C5orf63: variants seen among roughly 807,000 people sequenced by gnomAD.
C5orf63 encodes the protein glutaredoxin-like protein C5orf63.
C5orf63 carries 18 observed loss-of-function variants against 13.3 expected under a neutral mutation model. The observed-to-expected ratio is 1.36, with a 90% confidence interval of 0.94 to 2.01. C5orf63 has a LOEUF of 2.01. Among genes scored for constraint, C5orf63 ranks in the 30% most tolerant of loss-of-function variants. The pLI is 0.00. For synonymous variants in C5orf63, 38 were observed against 44.7 expected, an observed-to-expected ratio of 0.85 and a Z score of 0.60; for missense variants, 118 against 127.7, an observed-to-expected ratio of 0.92 and a Z score of 0.36.
chr5:127,067,393 C>T (rs17165236), intron 2 of C5orf63, among the ~76,000 whole-genome samples: 5 of 152,014 alleles, frequency 3.3e-5, no homozygotes, highest in African/African-American at 1.2e-4. Context: ...CTCAGAAATG[C>T]GGAATTGCAA....
At chr5:127,071,251 A>G (rs191854600) in intron 2 of C5orf63, among the ~76,000 whole-genome samples, 170 of 152,374 alleles carry the variant, frequency 1.1e-3, no homozygotes, top group Non-Finnish European at 1.8e-3. Flanking sequence ...AAAGGCTGTT[A>G]CTAGATATTA....
At chr5:127,049,286 C>T (rs1483250607), downstream of C5orf63, among the ~76,000 whole-genome samples, 3 of 152,146 alleles carry the variant, frequency 2.0e-5, no homozygotes, top group Non-Finnish European at 4.4e-5. Context: ...AGTCTCATCT[C>T]CTTCACTCTC....
rs1050982701 is a variant in C5orf63 at position 127,051,828 on chromosome 5, G to T, written c.291C>A (p.Asn97Lys). Residue 97 changes from asparagine (N) to lysine (K), a missense_variant, in exon 5 of 5, where the codon AAC (asparagine) becomes AAA (lysine). Physicochemically the swap from Asn to Lys is moderately conservative, Grantham distance 94. Transcript: ENST00000296662. ...GGAGCTGTTTTTCAAGTTTTGAGGT[G>T]TTTACTCGATGCATCATCAGAAACT... ...NGQFLMMHRV[N>K]TSKLEKQLLK... 16 of 1,535,514 alleles carry T rather than the reference G, an allele frequency of 1.0e-5. No homozygotes were observed. Among genetic ancestry groups the T allele is most frequent in the Admixed American group, 2.0e-5 (1 of 50,634 alleles).
chr5:127,050,605 G>A (rs1753640870), downstream of C5orf63, among the ~76,000 whole-genome samples: 1 of 152,126 alleles, frequency 6.6e-6, no homozygotes, highest in Non-Finnish European at 1.5e-5. Flanking sequence ...GGCAAGACCT[G>A]GCCTGCCAAC....
intron 1 of C5orf63, among the ~76,000 whole-genome samples, chr5:127,072,555 T>G (rs1282166940): frequency 1.3e-5 from 2 of 152,086 alleles, no homozygotes; most frequent in Non-Finnish European, 2.9e-5. Context: ...CGCTAGAAAG[T>G]ATTGGGATAT....
In C5orf63 at chr5:127,051,754, A is replaced by C; in HGVS notation, c.*17T>G. On this transcript the variant is annotated 3_prime_UTR_variant, in exon 5 of 5. Coordinates refer to ENST00000296662, the MANE Select transcript of C5orf63 (RefSeq NM_001164478.2). ...TGCTTTATGGGAAGAGAGGGTGGAA[A>C]ATCATGAGGGCATCAGTCAGCCTCC... The C allele has an allele frequency of 6.8e-7, 1 of 1,472,696 alleles. No individual in the cohort carries two copies. The highest frequency in any genetic ancestry group is 9.0e-7 in the Non-Finnish European group (1 of 1,116,756). 91.2% of individuals were successfully genotyped at this position (1,472,696 alleles called of 1,614,324 possible).
intron 3 of C5orf63, among the ~76,000 whole-genome samples, chr5:127,058,249 T>C (rs1753964538): frequency 6.6e-6 from 1 of 152,184 alleles, no homozygotes; most frequent in Non-Finnish European, 1.5e-5. Flanking sequence ...TGTGCATGTG[T>C]ACTCAATGTT....
At chr5:127,073,252 T>C (rs1754623800) in intron 1 of C5orf63, 199 bp downstream of exon 1, 1 of 151,936 alleles carries the variant, frequency 6.6e-6, no homozygotes, top group Non-Finnish European at 1.5e-5. Context: ...CCCAGAGCGC[T>C]ATCACAGACA....
chr5:127,066,700 T>G (rs779064321), intron 2 of C5orf63, among the ~76,000 whole-genome samples: 1 of 152,042 alleles, frequency 6.6e-6, no homozygotes, highest in South Asian at 2.1e-4. Context: ...GGTCTAAAGA[T>G]AAAGACTTGA....
At chr5:127,048,017 G>C (rs1476574867), downstream of C5orf63, 1 of 600,024 alleles carries the variant, frequency 1.7e-6, no homozygotes, top group Non-Finnish European at 3.0e-6. Context: ...AGTTAAAGCA[G>C]ACCACACTTG....
intron 2 of C5orf63, among the ~76,000 whole-genome samples, chr5:127,067,932 G>T (rs112682193): frequency 1.8e-4 from 27 of 152,280 alleles, no homozygotes; most frequent in African/African-American, 6.5e-4. Context: ...GAGGAATTAA[G>T]CATAAATGGT....
At chr5:127,068,552 A>T (rs1407849548) in intron 2 of C5orf63, among the ~76,000 whole-genome samples, 1 of 152,154 alleles carries the variant, frequency 6.6e-6, no homozygotes, top group Non-Finnish European at 1.5e-5. Context: ...ACTATTAAAC[A>T]CATTTTAAAG....
intron 1 of C5orf63, 39 bp from the exon 2 acceptor site, chr5:127,071,724 G>A (rs1181327859): frequency 1.8e-4 from 27 of 152,096 alleles, no homozygotes; most frequent in Admixed American, 1.8e-3. Flanking sequence ...TTTAAATAAG[G>A]AACATAAAAA....
In C5orf63 at chr5:127,066,173, AG is replaced by A. The variant is rs545848759; in HGVS notation, c.-8+5410del. 8.5e-4 allele frequency among the ~76,000 whole-genome samples: 130 copies of A among 152,132 alleles called. 1 individual carries two copies. The highest frequency in any genetic ancestry group is 3.1e-3 in the African/African-American group (129 of 41,412). Reference sequence around the variant, plus strand: ...GCTTAAGCAGAGTACACCAAGGAAAAGGGGATACAATCAGGAGACGAGATTA... The same window carrying A: ...GCTTAAGCAGAGTACACCAAGGAAAAGGGATACAATCAGGAGACGAGATTA... On this transcript the variant is annotated intron_variant, in intron 2 of 4. Coordinates refer to ENST00000296662, the MANE Select transcript of C5orf63 (RefSeq NM_001164478.2).
At chr5:127,069,229 A>G (rs964454084) in intron 2 of C5orf63, among the ~76,000 whole-genome samples, 1 of 152,210 alleles carries the variant, frequency 6.6e-6, no homozygotes, top group Non-Finnish European at 1.5e-5. Flanking sequence ...AAGGGATGGG[A>G]AAAAAGTATA....
chr5:127,055,270 T>C (rs6899133), intron 3 of C5orf63, among the ~76,000 whole-genome samples: 71,886 of 151,976 alleles, frequency 0.47, 17,384 homozygotes, highest in East Asian at 0.67. Context: ...AAAGTTCATA[T>C]GGAACCAAAA....
intron 2 of C5orf63, among the ~76,000 whole-genome samples, chr5:127,061,952 G>A (rs1434799177): frequency 6.6e-6 from 1 of 152,240 alleles, no homozygotes; most frequent in Admixed American, 6.5e-5. Context: ...GACCAGGGCA[G>A]TGAACTGCAG....
chr5:127,060,697 C>A (rs1276316294), intron 2 of C5orf63, among the ~76,000 whole-genome samples: 2 of 152,186 alleles, frequency 1.3e-5, no homozygotes, highest in African/African-American at 2.4e-5. Flanking sequence ...TACCCAATAT[C>A]ATTTCTTCCT....
chr5:127,072,156 C>T (rs948650549), intron 1 of C5orf63: 2 of 152,222 alleles, frequency 1.3e-5, no homozygotes, highest in African/African-American at 4.8e-5. Context: ...ACCAGCCCCA[C>T]CAATCTTAAT....
Sources: gnomAD v4.1 joint callset for allele counts (sites outside exome capture counted in the v4.1 genomes callset) on GRCh38, gnomAD v4.1.1 for gene constraint, MANE v1.5 for transcripts, NCBI Gene and HGNC (gene_info 2026-07-23, HGNC 2026-07-21) for gene names.